PHACTR4: variants seen among roughly 807,000 people sequenced by gnomAD.
The protein encoded by PHACTR4 is phosphatase and actin regulator 4.
PHACTR4 carries 51 observed loss-of-function variants against 72.7 expected under a neutral mutation model. The ratio of observed to expected loss-of-function variants is 0.70; its 90% CI spans 0.56 to 0.89. The LOEUF is 0.89. Ranked by LOEUF, PHACTR4 falls within the 40% of genes least tolerant of loss-of-function variation. PHACTR4 has a pLI of 0.00. For synonymous variants in PHACTR4, 255 were observed against 302.5 expected, an observed-to-expected ratio of 0.84 and a Z score of 1.63; for missense variants, 731 against 861.8, an observed-to-expected ratio of 0.85 and a Z score of 1.90.
chr1:28,466,237 G>T lies in PHACTR4; in HGVS notation c.437-145G>T. 3.4e-6 allele frequency: 3 copies of T among 874,412 alleles called. No individual in the cohort carries two copies. The South Asian group carries it at 5.2e-5, about 15-fold the overall frequency. The allele number at this position is 874,412 out of a possible 1,614,324, so 54.2% of individuals were successfully genotyped here. ...ACTGACATTTCTTAAGTATGGGGAG[G>T]TTGGGAGGCATTGAGAATGGTAACC... On this transcript the variant is annotated intron_variant, in intron 5 of 13. Transcript: ENST00000373839.
At chr1:28,389,351 G>A (rs1386185700) in intron 1 of PHACTR4, among the ~76,000 whole-genome samples, 1 of 152,032 alleles carries the variant, frequency 6.6e-6, no homozygotes, top group Non-Finnish European at 1.5e-5. Flanking sequence ...TGAAAGATTT[G>A]TGGGATACCA....
intron 2 of PHACTR4, among the ~76,000 whole-genome samples, chr1:28,434,191 G>A (rs891679834): frequency 6.6e-6 from 1 of 152,126 alleles, no homozygotes; most frequent in Non-Finnish European, 1.5e-5. Context: ...CAGTAAGTCC[G>A]GGAGTCAGAC....
At chr1:28,392,565 G>T (rs1482678345) in intron 1 of PHACTR4, among the ~76,000 whole-genome samples, 2 of 151,786 alleles carry the variant, frequency 1.3e-5, no homozygotes, top group African/African-American at 4.8e-5. Context: ...ACCATGCCTG[G>T]CTAATTTTTG....
chr1:28,439,024 A>G (rs1199439476), intron 2 of PHACTR4, among the ~76,000 whole-genome samples: 9 of 152,324 alleles, frequency 5.9e-5, no homozygotes, highest in African/African-American at 1.7e-4. Flanking sequence ...GATTGTGAGT[A>G]TAGCTCAGAG....
At chr1:28,487,571 A>C (rs1311596947) in intron 9 of PHACTR4, among the ~76,000 whole-genome samples, 1 of 149,934 alleles carries the variant, frequency 6.7e-6, no homozygotes, top group East Asian at 1.9e-4. Flanking sequence ...AGTTGTATAT[A>C]GAATGGGACT....
chr1:28,443,884 A>G (rs572498237), intron 2 of PHACTR4, among the ~76,000 whole-genome samples: 1 of 152,310 alleles, frequency 6.6e-6, no homozygotes, highest in South Asian at 2.1e-4. Context: ...TACAGTAAAC[A>G]TGGAAGTGCA....
chr1:28,406,707 A>T (rs1569852167), intron 1 of PHACTR4, among the ~76,000 whole-genome samples: 1 of 152,198 alleles, frequency 6.6e-6, no homozygotes, highest in Non-Finnish European at 1.5e-5. Flanking sequence ...ACCTTAGGAT[A>T]AAAACCACAG....
chr1:28,461,082 T>C (rs1390279412), intron 4 of PHACTR4, among the ~76,000 whole-genome samples: 1 of 152,232 alleles, frequency 6.6e-6, no homozygotes, highest in Non-Finnish European at 1.5e-5. Flanking sequence ...GAAAGTATAG[T>C]ACATTGGTTG....
At chr1:28,392,480 G>A (rs150836475) in intron 1 of PHACTR4, among the ~76,000 whole-genome samples, 1 of 149,992 alleles carries the variant, frequency 6.7e-6, no homozygotes, top group African/African-American at 2.5e-5. Flanking sequence ...ATTGCTCACT[G>A]CAACCTCCAC....
At chr1:28,426,721 C>CTT (rs34171573) in intron 2 of PHACTR4, among the ~76,000 whole-genome samples, 63 of 142,338 alleles carry the variant, frequency 4.4e-4, no homozygotes, top group South Asian at 1.3e-3. Context: ...TACTGGAAGA[C>CTT]TTTTTTTTTT....
At chr1:28,382,441 C>T (rs1652252202) in intron 1 of PHACTR4, among the ~76,000 whole-genome samples, 1 of 151,796 alleles carries the variant, frequency 6.6e-6, no homozygotes, top group African/African-American at 2.4e-5. Context: ...GTAGCTGGGA[C>T]TACAGGCGCA....
chr1:28,415,696 G>A (rs980872441), intron 2 of PHACTR4, among the ~76,000 whole-genome samples: 2 of 152,104 alleles, frequency 1.3e-5, no homozygotes, highest in Non-Finnish European at 2.9e-5. Context: ...GGTGTGTTTG[G>A]TGATTGTTTA....
At chr1:28,427,496 A>G (rs1655946612) in intron 2 of PHACTR4, among the ~76,000 whole-genome samples, 1 of 152,190 alleles carries the variant, frequency 6.6e-6, no homozygotes, top group East Asian at 1.9e-4. Flanking sequence ...ACTGCATTCC[A>G]GCCTGGGCAA....
intron 10 of PHACTR4, chr1:28,489,864 A>G (rs762860727): frequency 3.9e-6 from 2 of 518,900 alleles, no homozygotes; most frequent in East Asian, 5.4e-5. Flanking sequence ...AGTCTGACCA[A>G]TCCATCCCCT....
rs1255129868 is a variant in PHACTR4 at position 28,492,449 on chromosome 1, A to T, written c.2017-566A>T. 1.1e-4 allele frequency among the ~76,000 whole-genome samples: 16 copies of T among 151,482 alleles called. No individual in the cohort carries two copies. In the South Asian group the frequency reaches 2.7e-3, roughly 26 times the overall value. On this transcript the variant is annotated intron_variant, in intron 12 of 13. Transcript: ENST00000373839. ...GAGACTCCACCTCAAAAATAAAAAT[A>T]AAAAATTAAAATTAAAAAAAAAACA...
At chr1:28,457,901 TG>T in intron 2 of PHACTR4, 1 of 982,974 alleles carries the variant, frequency 1.0e-6, no homozygotes, top group East Asian at 1.1e-4. Context: ...TGCTTTTTTT[TG>T]GTTGCCTTCC....
chr1:28,369,872 A>T (rs1160064664), intron 1 of PHACTR4, 47 bp downstream of exon 1: 1 of 429,618 alleles, frequency 2.3e-6, no homozygotes, highest in East Asian at 9.2e-5. Flanking sequence ...GCTCAGTATC[A>T]GGCTGCGGCC....
chr1:28,477,148 C>T (rs183957169), intron 8 of PHACTR4, among the ~76,000 whole-genome samples: 39 of 148,482 alleles, frequency 2.6e-4, no homozygotes, highest in Admixed American at 1.6e-3. Context: ...TGCAGGGGCA[C>T]GATCTCAACT....
chr1:28,441,305 C>G (rs572988588), intron 2 of PHACTR4, among the ~76,000 whole-genome samples: 2 of 151,716 alleles, frequency 1.3e-5, no homozygotes, highest in South Asian at 2.1e-4. Flanking sequence ...GTCTCGAACT[C>G]TAGCCTCAAT....
Sources: gnomAD v4.1 joint callset for allele counts (sites outside exome capture counted in the v4.1 genomes callset) on GRCh38, gnomAD v4.1.1 for gene constraint, MANE v1.5 for transcripts, NCBI Gene and HGNC (gene_info 2026-07-23, HGNC 2026-07-21) for gene names.